Variants in DRC2 observed in about 807,000 individuals in gnomAD.
DRC2 encodes the protein coiled-coil domain containing 65.
At chr12:48,905,221 G>T in the DRC2 span, 1 of 990,310 alleles carries the variant, frequency 1.0e-6, no homozygotes, top group Non-Finnish European at 1.5e-6. Context: ...CTGTGAGAAA[G>T]CCAGGCTATT....
chr12:48,919,523 T>A, the DRC2 span, among the ~76,000 whole-genome samples: 2,294 of 151,276 alleles, frequency 0.015, 38 homozygotes, highest in Non-Finnish European at 0.023. Flanking sequence ...ATTAATTATT[T>A]TTTTTTTTGA....
the DRC2 span, chr12:48,917,198 C>T: frequency 6.7e-7 from 1 of 1,487,412 alleles, no homozygotes; most frequent in Non-Finnish European, 9.2e-7. Flanking sequence ...CACCTGTAAT[C>T]CCAGCACCTT....
chr12:48,919,073 AATTT>A, the DRC2 span, among the ~76,000 whole-genome samples: 7 of 151,936 alleles, frequency 4.6e-5, no homozygotes, highest in Non-Finnish European at 1.0e-4. Context: ...AAATTAAATT[AATTT>A]ATTTATTTAT....
chr12:48,918,728 G>A, the DRC2 span: 12 of 1,614,090 alleles, frequency 7.4e-6, no homozygotes, highest in South Asian at 8.8e-5. Context: ...ATACACAGCC[G>A]TGAGAGTGAA....
the DRC2 span, among the ~76,000 whole-genome samples, chr12:48,916,165 A>G: frequency 1.1e-4 from 14 of 123,176 alleles, no homozygotes; most frequent in East Asian, 2.7e-4. Flanking sequence ...ATGGGCGGCC[A>G]GGCAGAGACG....
chr12:48,904,347 A>G, the DRC2 span: 1 of 1,613,534 alleles, frequency 6.2e-7, no homozygotes, highest in Non-Finnish European at 8.5e-7. Flanking sequence ...ATGCCTAAGA[A>G]AGAAAAAATG....
chr12:48,913,199 C>T, the DRC2 span, among the ~76,000 whole-genome samples: 1 of 151,706 alleles, frequency 6.6e-6, no homozygotes, highest in East Asian at 1.9e-4. Context: ...CCTCAAAGCA[C>T]CCATTTCTCC....
chr12:48,904,995 T>G, the DRC2 span: 1 of 1,613,822 alleles, frequency 6.2e-7, no homozygotes, highest in Non-Finnish European at 8.5e-7. Flanking sequence ...CTTAATAAGA[T>G]TAACACACAG....
the DRC2 span, among the ~76,000 whole-genome samples, chr12:48,915,509 T>C: frequency 3.3e-5 from 5 of 151,418 alleles, no homozygotes; most frequent in Non-Finnish European, 5.9e-5. Flanking sequence ...CCATGTCTAC[T>C]TCTTTCTACA....
At chr12:48,919,018 A>G in the DRC2 span, 5 of 670,188 alleles carry the variant, frequency 7.5e-6, no homozygotes, top group East Asian at 5.4e-5. Flanking sequence ...CTGAGTGGAC[A>G]CTTGGAATAC....
At chr12:48,911,863 A>G in the DRC2 span, among the ~76,000 whole-genome samples, 5 of 152,092 alleles carry the variant, frequency 3.3e-5, no homozygotes, top group African/African-American at 9.7e-5. Flanking sequence ...TCAGAGCTAT[A>G]TAGGAAAGGC....
At chr12:48,921,490 A>T in the DRC2 span, 1 of 1,538,478 alleles carries the variant, frequency 6.5e-7, no homozygotes, top group Non-Finnish European at 8.7e-7. Context: ...CTGTGATCTA[A>T]GGAAAAAAAT....
chr12:48,909,037 C>CTTTTTTTTTT, the DRC2 span, among the ~76,000 whole-genome samples: 4 of 82,392 alleles, frequency 4.9e-5, no homozygotes, highest in Non-Finnish European at 6.8e-5. Context: ...TTTTCTTTCT[C>CTTTTTTTTTT]TTTTTTTTTT....
the DRC2 span, among the ~76,000 whole-genome samples, chr12:48,916,435 C>CA: frequency 0.067 from 10,148 of 152,070 alleles, 355 homozygotes; most frequent in African/African-American, 0.094. Flanking sequence ...CCGTCTCCAC[C>CA]AAAAAAATAC....
the DRC2 span, chr12:48,917,210 G>T: frequency 7.4e-7 from 1 of 1,359,886 alleles, no homozygotes; most frequent in Non-Finnish European, 1.0e-6. Context: ...CAGCACCTTG[G>T]TAGGCCAAGG....
the DRC2 span, chr12:48,905,173 C>G: frequency 3.6e-6 from 5 of 1,399,768 alleles, no homozygotes; most frequent in Non-Finnish European, 3.9e-6. Flanking sequence ...ATAGAATGAG[C>G]CTAGTGAATC....
chr12:48,904,369 C>T, the DRC2 span: 1 of 1,613,978 alleles, frequency 6.2e-7, no homozygotes. Context: ...CCAAGACGCC[C>T]CTGTCCGATG....
chr12:48,911,347 C>T, the DRC2 span, among the ~76,000 whole-genome samples: 1 of 151,830 alleles, frequency 6.6e-6, no homozygotes, highest in Non-Finnish European at 1.5e-5. Flanking sequence ...TCCTTTGAGC[C>T]CAGGAGTTTG....
chr12:48,905,315 A>G, the DRC2 span, among the ~76,000 whole-genome samples: 1 of 152,164 alleles, frequency 6.6e-6, no homozygotes, highest in Non-Finnish European at 1.5e-5. Context: ...TCTTCTTGTC[A>G]TCTATTGCCC....
Sources: allele counts gnomAD v4.1 joint callset (sites outside exome capture counted in the v4.1 genomes callset), GRCh38; gene constraint gnomAD v4.1.1; transcripts MANE v1.5; gene names NCBI Gene and HGNC (gene_info 2026-07-23, HGNC 2026-07-21).